Variants in TMEM272 observed in about 807,000 individuals in gnomAD.
TMEM272 encodes the protein transmembrane protein 272, also known as long intergenic non-protein coding RNA 282.
Under a neutral mutation model 3.7 loss-of-function variants are expected in TMEM272, and 8 were observed. The observed-to-expected ratio is 2.17, with a 90% CI of 1.27 to 3.91. The LOEUF is 3.91. Ranked by LOEUF, TMEM272 falls within the 30% of genes most tolerant of loss-of-function variation. The probability of loss-of-function intolerance (pLI) is 0.00; values close to 1 mark genes in which losing one functional copy is unlikely to be tolerated. For synonymous variants in TMEM272, 63 were observed against 39.8 expected (o/e 1.58, Z -2.20); for missense variants, 166 against 91.5 (o/e 1.81, Z -3.32).
At chr13:51,910,512 TA>T in the TMEM272 span, 1 of 739,018 alleles carries the variant, frequency 1.4e-6, no homozygotes, top group African/African-American at 1.7e-5. Context: ...TGGAAAACCA[TA>T]AGGATTCGAA....
chr13:51,845,199 G>A (rs1169274639), upstream of TMEM272: 1 of 152,380 alleles, frequency 6.6e-6, no homozygotes, highest in Admixed American at 6.5e-5. Flanking sequence ...TAAGGGGCGG[G>A]TTCTCTCCAT....
At chr13:51,919,967 G>A in the TMEM272 span, among the ~76,000 whole-genome samples, 1 of 152,326 alleles carries the variant, frequency 6.6e-6, no homozygotes, top group African/African-American at 2.4e-5. Context: ...AAGAAGGAAG[G>A]AAGGAAAGGA....
the TMEM272 span, among the ~76,000 whole-genome samples, chr13:51,886,680 C>T: frequency 6.6e-6 from 1 of 152,188 alleles, no homozygotes; most frequent in South Asian, 2.1e-4. Context: ...TAATCCATTA[C>T]AAGCAAAGAT....
chr13:51,928,498 C>T, the TMEM272 span, among the ~76,000 whole-genome samples: 2 of 152,142 alleles, frequency 1.3e-5, no homozygotes, highest in Non-Finnish European at 2.9e-5. Flanking sequence ...CACTCAACTG[C>T]GAAGAGGTAG....
At chr13:51,838,837 T>C (rs2139584447) in intron 1 of TMEM272, among the ~76,000 whole-genome samples, 1 of 152,296 alleles carries the variant, frequency 6.6e-6, no homozygotes, top group South Asian at 2.1e-4. Flanking sequence ...GTAACAGCTC[T>C]CACTTGCTGA....
chr13:51,853,396 C>T, the TMEM272 span, among the ~76,000 whole-genome samples: 2 of 151,140 alleles, frequency 1.3e-5, no homozygotes, highest in Non-Finnish European at 2.9e-5. Context: ...GGCAACATAG[C>T]GAGACTCCAT....
the TMEM272 span, among the ~76,000 whole-genome samples, chr13:51,861,426 T>G: frequency 0.054 from 8,264 of 152,190 alleles, 543 homozygotes; most frequent in African/African-American, 0.16. Flanking sequence ...TTTAAAAATT[T>G]TACTACATGA....
upstream of TMEM272, among the ~76,000 whole-genome samples, chr13:51,847,482 A>C (rs927282382): frequency 6.6e-6 from 1 of 152,224 alleles, no homozygotes; most frequent in African/African-American, 2.4e-5. Flanking sequence ...GGTGCCAAAA[A>C]GATTGGGGAC....
intron 2 of TMEM272, among the ~76,000 whole-genome samples, chr13:51,836,625 C>T (rs1199357854): frequency 6.6e-6 from 1 of 152,152 alleles, no homozygotes; most frequent in Non-Finnish European, 1.5e-5. Context: ...AAAGTGTGGC[C>T]CACTTTCTCC....
At chr13:51,822,317 G>A (rs115363049) in intron 3 of TMEM272, among the ~76,000 whole-genome samples, 180 bp from the exon 4 acceptor site, 1,874 of 152,238 alleles carry the variant, frequency 0.012, 40 homozygotes, top group African/African-American at 0.04. Context: ...GATTGACACC[G>A]CAGAAATGGC....
At chr13:51,824,214 CATGTACT>C (rs1956104013) in intron 3 of TMEM272, among the ~76,000 whole-genome samples, 1 of 152,230 alleles carries the variant, frequency 6.6e-6, no homozygotes, top group African/African-American at 2.4e-5. Flanking sequence ...CCTGTGTTCT[CATGTACT>C]TCTTAGGACC....
At chr13:51,839,769 G>A (rs751598321) in intron 1 of TMEM272, among the ~76,000 whole-genome samples, 3 of 152,154 alleles carry the variant, frequency 2.0e-5, no homozygotes, top group African/African-American at 7.2e-5. Flanking sequence ...TCACTCCACC[G>A]CCAGCGTCAG....
chr13:51,844,540 A>G (rs934999293), intron 1 of TMEM272, among the ~76,000 whole-genome samples: 21 of 152,140 alleles, frequency 1.4e-4, no homozygotes, highest in Non-Finnish European at 2.6e-4. Flanking sequence ...AGGTTATCGC[A>G]TACCTACTGT....
At chr13:51,933,873 G>A in the TMEM272 span, 1 of 152,196 alleles carries the variant, frequency 6.6e-6, no homozygotes, top group Non-Finnish European at 1.5e-5. Context: ...GATATGGAAG[G>A]ACGTCCTGAA....
chr13:51,896,615 A>G, the TMEM272 span, among the ~76,000 whole-genome samples: 1 of 152,022 alleles, frequency 6.6e-6, no homozygotes, highest in Non-Finnish European at 1.5e-5. Flanking sequence ...TTATCAGACA[A>G]AGCCTGTTGC....
intron 1 of TMEM272, among the ~76,000 whole-genome samples, chr13:51,841,407 T>C (rs931813649): frequency 2.0e-5 from 3 of 152,214 alleles, no homozygotes; most frequent in African/African-American, 2.4e-5. Context: ...ACGGTTTCTA[T>C]CAGCGCCTAC....
chr13:51,905,540 C>T, the TMEM272 span, among the ~76,000 whole-genome samples: 1 of 152,168 alleles, frequency 6.6e-6, no homozygotes, highest in Non-Finnish European at 1.5e-5. Context: ...AAGGAAACAC[C>T]CAGAGAGCAG....
At chr13:51,910,696 C>A in the TMEM272 span, 1 of 414,266 alleles carries the variant, frequency 2.4e-6, no homozygotes. Context: ...AGAGAATACA[C>A]AGCCTTCTGT....
the TMEM272 span, among the ~76,000 whole-genome samples, chr13:51,900,767 T>C: frequency 6.6e-6 from 1 of 152,222 alleles, no homozygotes; most frequent in African/African-American, 2.4e-5. Flanking sequence ...ATAAAATGGA[T>C]TATTATCCAG....
Sources: allele counts gnomAD v4.1 joint callset (sites outside exome capture counted in the v4.1 genomes callset), GRCh38; gene constraint gnomAD v4.1.1; transcripts MANE v1.5; gene names NCBI Gene and HGNC (gene_info 2026-07-23, HGNC 2026-07-21).